The following EPHA10 variants were observed in gnomAD, a reference collection of about 807,000 sequenced individuals.
The protein encoded by EPHA10 is ephrin type-A receptor 10.
EPHA10 carries 120 observed loss-of-function variants against 109.7 expected under a neutral mutation model. The ratio of observed to expected loss-of-function variants is 1.09; its 90% confidence interval spans 0.94 to 1.27. EPHA10 has a LOEUF of 1.27. EPHA10 is among the 50% of genes most tolerant of loss of function. EPHA10 has a pLI of 0.00. For missense variants in EPHA10, 1,396 were observed against 1,411.1 expected, an observed-to-expected ratio of 0.99 and a Z score of 0.17; for synonymous variants, 640 against 618.9, an observed-to-expected ratio of 1.03 and a Z score of -0.51.
At chr1:37,745,369 A>G (rs1239344907) in intron 5 of EPHA10, among the ~76,000 whole-genome samples, 2 of 152,252 alleles carry the variant, frequency 1.3e-5, no homozygotes, top group Non-Finnish European at 2.9e-5. Flanking sequence ...ACTGTTTAAA[A>G]GACAAACAAT....
intron 7 of EPHA10, among the ~76,000 whole-genome samples, chr1:37,730,952 A>G (rs1253410314): frequency 1.3e-5 from 2 of 152,108 alleles, no homozygotes; most frequent in East Asian, 1.9e-4. Flanking sequence ...TCAGCCTCCC[A>G]AAGTGCTGGG....
chr1:37,747,610 T>C (rs1194789057), intron 5 of EPHA10, among the ~76,000 whole-genome samples: 1 of 124,362 alleles, frequency 8.0e-6, no homozygotes, highest in East Asian at 2.4e-4. Flanking sequence ...AAAGATAAAA[T>C]CATAAAATAT....
At chr1:37,744,783 G>A (rs1557550137) in intron 5 of EPHA10, among the ~76,000 whole-genome samples, 1 of 152,086 alleles carries the variant, frequency 6.6e-6, no homozygotes, top group Admixed American at 6.6e-5. Flanking sequence ...GTTTGTATGG[G>A]TTAAATTGTG....
chr1:37,750,220 A>G (rs967128822), intron 5 of EPHA10, among the ~76,000 whole-genome samples: 1 of 152,198 alleles, frequency 6.6e-6, no homozygotes, highest in African/African-American at 2.4e-5. Context: ...GTAGTTTGCA[A>G]GTGTGATGAT....
At chr1:37,718,848 A>C in intron 15 of EPHA10, 32 bp from the exon 16 acceptor site, 2 of 1,579,862 alleles carry the variant, frequency 1.3e-6, no homozygotes, top group Non-Finnish European at 1.7e-6. Context: ...CTCAACCGAC[A>C]GCTGGGATCT....
chr1:37,724,016 C>T (rs529841168), intron 8 of EPHA10, among the ~76,000 whole-genome samples: 2 of 152,322 alleles, frequency 1.3e-5, no homozygotes, highest in East Asian at 3.9e-4. Flanking sequence ...CAGAGGAGAG[C>T]CCCTGTGGGG....
Position 37,757,226 on chromosome 1 carries a change from AACAAAAGTCAAGGTC to A in EPHA10, c.851-2871_851-2857del, listed in dbSNP as rs371643592. Among the ~76,000 whole-genome samples the A allele has an allele frequency of 9.4e-3, 1,438 of 152,292 alleles. 10 individuals are homozygous for A. Among genetic ancestry groups the A allele is most frequent in the Non-Finnish European group, 0.017 (1,153 of 68,024 alleles). ...TTTCTCTAGTGGCTAACCGAGGGAGAACAAAAGTCAAGGTCACTAAAGAGAAACAAAAAGGGGAAA... is the reference window on the plus strand; with the variant it reads ...TTTCTCTAGTGGCTAACCGAGGGAGAACTAAAGAGAAACAAAAAGGGGAAA... On this transcript the variant is annotated intron_variant, in intron 3 of 16. Transcript: ENST00000373048.
rs1645907602 is a variant in EPHA10, at chr1:37,727,201, C to T, written c.1673G>A (p.Gly558Glu). The change falls in exon 8 of 17, where the codon GGG becomes GAG. Residue 558 changes from glycine to glutamate, a missense_variant. Gly to Glu is a moderately conservative substitution (Grantham distance 98). Transcript: ENST00000373048. ...EVQTLGEAAS[G>E]SRDQSPAIVV... ...AATGGCGGGGCTCTGGTCCCTGGAC[C>T]CTGAGGCAGCTGGGAGGAAAATCAC... 3 of 1,601,218 alleles carry T rather than the reference C, an allele frequency of 1.9e-6. No homozygotes were observed. Among genetic ancestry groups the T allele is most frequent in the Non-Finnish European group, 2.6e-6 (3 of 1,173,590 alleles).
rs970292754 is a variant in EPHA10 at position 37,720,777 on chromosome 1, A to G, written c.2208+6T>C. ...AGTGGTCATTGGCAGCCCCAGGGCC[A>G]CTCACCCTGAGGAAGCCGTCCAGGG... On this transcript the variant is annotated splice_donor_region_variant and intron_variant, in intron 12 of 16. Transcript: ENST00000373048. 5.0e-6 allele frequency: 8 copies of G among 1,613,760 alleles called. No homozygotes were observed. The highest frequency in any genetic ancestry group is 6.8e-6 in the Non-Finnish European group (8 of 1,179,960).
intron 6 of EPHA10, among the ~76,000 whole-genome samples, chr1:37,732,023 A>G (rs754388577): frequency 7.1e-6 from 1 of 140,518 alleles, no homozygotes; most frequent in African/African-American, 2.7e-5. Context: ...CCTTTCCTCG[A>G]TGTCTGATTT....
chr1:37,724,593 C>T (rs532696130), intron 8 of EPHA10, among the ~76,000 whole-genome samples: 4 of 152,152 alleles, frequency 2.6e-5, no homozygotes, highest in Non-Finnish European at 5.9e-5. Flanking sequence ...TCACAGGGAC[C>T]AAGGACAGAG....
Position 37,732,863 on chromosome 1 carries a change from C to CTTTTTTTTTTTTTTT in EPHA10, c.1492-1296_1492-1282dup, listed in dbSNP as rs56226051. Among the ~76,000 whole-genome samples, 16 of 25,044 alleles carry CTTTTTTTTTTTTTTT rather than the reference C, an allele frequency of 6.4e-4. 5 individuals are homozygous for CTTTTTTTTTTTTTTT. The highest frequency in any genetic ancestry group is 1.8e-3 in the South Asian group (1 of 568). The allele number at this position is 25,044 out of a possible 152,430, so 16.4% of individuals were successfully genotyped here. A position where few individuals can be genotyped will look rare whatever the true frequency, so the allele number is the denominator to read the frequency against. ...CAAATATAGCCCTTTTATACTTGTT[C>CTTTTTTTTTTTTTTT]TTTTTTTTTTTTTTTTTTTTTTTTT... On this transcript the variant is annotated intron_variant, in intron 6 of 16. Coordinates refer to ENST00000373048, the MANE Select transcript of EPHA10 (RefSeq NM_001099439.2).
chr1:37,755,571 T>A (rs1007304925), intron 3 of EPHA10, among the ~76,000 whole-genome samples: 1 of 152,168 alleles, frequency 6.6e-6, no homozygotes, highest in African/African-American at 2.4e-5. Context: ...AACCTGGGTT[T>A]GTAGCTGAGT....
At chr1:37,722,428 A>G in intron 10 of EPHA10, 1 of 235,058 alleles carries the variant, frequency 4.3e-6, no homozygotes. Flanking sequence ...GTCTGGAGAC[A>G]GTGTCAGGGG....
chr1:37,721,897 G>C, intron 10 of EPHA10, 52 bp from the exon 11 acceptor site: 1 of 1,434,388 alleles, frequency 7.0e-7, no homozygotes, highest in Non-Finnish European at 9.2e-7. Flanking sequence ...CCCTGGCTGA[G>C]CTGGGCAGGC....
rs1646444315 is a variant in EPHA10, at chr1:37,762,773, T to C, written c.171+12A>G. On this transcript the variant is annotated intron_variant, in intron 2 of 16. Coordinates refer to ENST00000373048, the MANE Select transcript of EPHA10 (RefSeq NM_001099439.2). ...GGATCCCTGGGACAGGGAGGGACACTTGTGCACTTACCCCATTACTTGGCA... is the reference window on the plus strand; with the variant it reads ...GGATCCCTGGGACAGGGAGGGACACCTGTGCACTTACCCCATTACTTGGCA... 1 of 1,550,316 alleles carries C rather than the reference T, an allele frequency of 6.5e-7. No individual in the cohort carries two copies. Among genetic ancestry groups the C allele is most frequent in the East Asian group, 2.4e-5 (1 of 41,052 alleles).
At chr1:37,759,872 C>A (rs1038481686) in intron 3 of EPHA10, among the ~76,000 whole-genome samples, 1 of 151,952 alleles carries the variant, frequency 6.6e-6, no homozygotes, top group Non-Finnish European at 1.5e-5. Context: ...GGGGTAAGTA[C>A]AGAAATAGGT....
At chr1:37,749,538 T>C (rs1646291663) in intron 5 of EPHA10, among the ~76,000 whole-genome samples, 1 of 151,698 alleles carries the variant, frequency 6.6e-6, no homozygotes, top group African/African-American at 2.4e-5. Context: ...CCGGTTGTGG[T>C]GGTGTGTGCC....
intron 7 of EPHA10, among the ~76,000 whole-genome samples, chr1:37,730,044 C>T (rs1645955976): frequency 6.6e-6 from 1 of 152,038 alleles, no homozygotes; most frequent in Admixed American, 6.6e-5. Context: ...CACTGACGGT[C>T]CCCAGCTCCT....
Sources: gnomAD v4.1 joint callset for allele counts (sites outside exome capture counted in the v4.1 genomes callset) on GRCh38, gnomAD v4.1.1 for gene constraint, MANE v1.5 for transcripts, NCBI Gene and HGNC (gene_info 2026-07-23, HGNC 2026-07-21) for gene names.